The following NKTR variants were observed in gnomAD, a reference collection of about 807,000 sequenced individuals.
NKTR encodes the protein NK-tumor recognition protein.
NKTR carries 67 observed loss-of-function variants against 156.3 expected under a neutral mutation model. The ratio of observed to expected loss-of-function variants is 0.43; its 90% CI spans 0.35 to 0.53. The LOEUF (loss-of-function observed/expected upper bound fraction) is 0.53, where lower values mean the gene tolerates loss of function less well. Ranked by LOEUF, NKTR falls within the 20% of genes least tolerant of loss-of-function variation. The pLI, the probability that NKTR is intolerant of heterozygous loss-of-function variation, is 0.01. For missense variants in NKTR, 1,604 were observed against 1,730.9 expected, an observed-to-expected ratio of 0.93 and a Z score of 1.30; for synonymous variants, 640 against 596.6, an observed-to-expected ratio of 1.07 and a Z score of -1.06.
chr3:42,633,393 C>G, intron 9 of NKTR, 187 bp from the exon 10 acceptor site: 1 of 1,360,458 alleles, frequency 7.4e-7, no homozygotes, highest in Non-Finnish European at 9.4e-7. Context: ...ATTTTCCTAT[C>G]AAAATTCTAG....
intron 2 of NKTR, among the ~76,000 whole-genome samples, chr3:42,614,949 TAAC>T (rs764737447): frequency 6.6e-6 from 1 of 151,250 alleles, no homozygotes; most frequent in African/African-American, 2.5e-5. Flanking sequence ...CTCTTGCTCT[TAAC>T]AACATAATGC....
At chr3:42,607,871 T>C (rs1275359585) in intron 2 of NKTR, among the ~76,000 whole-genome samples, 1 of 151,288 alleles carries the variant, frequency 6.6e-6, no homozygotes, top group African/African-American at 2.4e-5. Flanking sequence ...CTGGACACTA[T>C]CTACCTGGAG....
At chr3:42,603,541 G>A (rs1214318016) in intron 2 of NKTR, among the ~76,000 whole-genome samples, 1 of 151,996 alleles carries the variant, frequency 6.6e-6, no homozygotes, top group Non-Finnish European at 1.5e-5. Context: ...AACATCCAAG[G>A]CAATTCATTG....
chr3:42,648,216 G>T lies in NKTR; in HGVS notation c.*2241G>T, dbSNP rs1037504985. 6.6e-6 allele frequency: 1 copy of T among 152,202 alleles called. No homozygotes were observed. The highest frequency in any genetic ancestry group is 2.4e-5 in the African/African-American group (1 of 41,450). The allele number at this position is 152,202 out of a possible 1,614,324, so 9.4% of individuals were successfully genotyped here. ...ATATTTTAAGGTTGATTGTGCGATA[G>T]AACATAATTGCAGGAGTACTGTCTC... On this transcript the variant is annotated 3_prime_UTR_variant, in exon 17 of 17. Transcript: ENST00000232978.
At chr3:42,633,348 A>G in intron 9 of NKTR, 1 of 1,283,640 alleles carries the variant, frequency 7.8e-7, no homozygotes, top group Non-Finnish European at 9.9e-7. Context: ...GGCCTCCTGG[A>G]ACTCTTAAAA....
Position 42,601,039 on chromosome 3 carries a change from C to A in NKTR, c.33C>A (p.Phe11Leu), listed in dbSNP as rs1407804031. 1.3e-6 allele frequency: 2 copies of A among 1,583,230 alleles called. No homozygotes were observed. The highest frequency in any genetic ancestry group is 1.7e-6 in the Non-Finnish European group (2 of 1,167,692). Residue 11 changes from phenylalanine to leucine, a missense_variant, in exon 2 of 17, where the codon TTC (phenylalanine) becomes TTA (leucine). By Grantham distance (22) the Phe-to-Leu change is conservative. Around this residue, in one of 6 missense-constraint regions of NKTR, gnomAD observed 73 missense variants for 90.7 expected, o/e 0.80. Transcript: ENST00000232978. ...CGCAGGACCGGCCGCAGTGCCACTTCGACATCGAGATCAACCGGGAGCCGG... is the reference window on the plus strand; with the variant it reads ...CGCAGGACCGGCCGCAGTGCCACTTAGACATCGAGATCAACCGGGAGCCGG... MGAQDRPQCH[F>L]DIEINREPVG...
intron 1 of NKTR, 59 bp from the exon 2 acceptor site, chr3:42,600,925 C>T: frequency 1.8e-6 from 2 of 1,119,290 alleles, no homozygotes; most frequent in East Asian, 3.2e-5. Context: ...CGCCCTCGCC[C>T]CTGCCCTCGC....
chr3:42,638,277 A>G lies in NKTR; in HGVS notation c.2573A>G (p.Lys858Arg). 1 of 1,606,806 alleles carries G rather than the reference A, an allele frequency of 6.2e-7. No homozygotes were observed. Among genetic ancestry groups the G allele is most frequent in the South Asian group, 1.1e-5 (1 of 89,456 alleles). Residue 858 changes from lysine to arginine, a missense_variant, in exon 13 of 17, where the codon AAA becomes AGA. Transcript: ENST00000232978. ...GAACGGGAATGCCCTCATTCAAAAA[A>G]AAGAACTTTGAAAGAGAATCTTTCT... Reference protein sequence around the residue: ...KSERECPHSKKRTLKENLSDH... With the variant: ...KSERECPHSKRRTLKENLSDH...
intron 6 of NKTR, 147 bp downstream of exon 6, chr3:42,621,663 G>A (rs1036773229): frequency 4.8e-6 from 4 of 830,806 alleles, no homozygotes; most frequent in African/African-American, 1.8e-5. Context: ...TAACTTATAA[G>A]GTCTAACAAC....
Position 42,618,997 on chromosome 3 carries a change from CTTTTTT to C in NKTR, c.134-10_134-5del. The C allele has an allele frequency of 9.2e-5, 124 of 1,353,838 alleles. No individual in the cohort carries two copies. Among genetic ancestry groups the C allele is most frequent in the Admixed American group, 1.3e-4 (5 of 39,164 alleles). 83.9% of individuals were successfully genotyped at this position (1,353,838 alleles called of 1,614,324 possible). The stretch of plus-strand genomic sequence containing the variant: ...ATGTATAAATAATTAAACTTCATTT[CTTTTTT>C]TTTTTTTTTTTTCCAGGAGAGAAAG... On this transcript the variant is annotated splice_polypyrimidine_tract_variant and intron_variant, in intron 3 of 16. Coordinates refer to ENST00000232978, the MANE Select transcript of NKTR (RefSeq NM_005385.4).
At chr3:42,635,763 C>T (rs527318275) in intron 12 of NKTR, among the ~76,000 whole-genome samples, 19 of 152,154 alleles carry the variant, frequency 1.2e-4, no homozygotes, top group African/African-American at 3.1e-4. Flanking sequence ...AAAAATTAGC[C>T]GGGCGTGGTG....
At chr3:42,642,674 T>G in intron 14 of NKTR, 78 bp downstream of exon 14, 26 of 983,222 alleles carry the variant, frequency 2.6e-5, no homozygotes, top group South Asian at 5.1e-5. Flanking sequence ...AGGGGGTAGT[T>G]GTTGAGAAGA....
At chr3:42,604,703 C>T (rs1706045690) in intron 2 of NKTR, among the ~76,000 whole-genome samples, 1 of 52,976 alleles carries the variant, frequency 1.9e-5, no homozygotes, top group Non-Finnish European at 3.8e-5. Flanking sequence ...TTTTTTGAGA[C>T]TGAGTCTTGC....
chr3:42,628,129 T>C (rs1177300238), intron 6 of NKTR: 1 of 983,126 alleles, frequency 1.0e-6, no homozygotes, highest in Non-Finnish European at 1.2e-6. Flanking sequence ...GTTAAATACT[T>C]TTAGTATTCT....
chr3:42,645,997 ATCTT>A lies in NKTR; in HGVS notation c.*23_*26del. The A allele has an allele frequency of 1.9e-6, 3 of 1,558,728 alleles. No individual in the cohort carries two copies. The highest frequency in any genetic ancestry group is 2.7e-6 in the Non-Finnish European group (3 of 1,131,220). Reference sequence around the variant, plus strand: ...TTGAAAACGTCCGGATACAAATTATATCTTATTTGTAAATATCTGGCAACTTAGC... The same window carrying A: ...TTGAAAACGTCCGGATACAAATTATAATTTGTAAATATCTGGCAACTTAGC... On this transcript the variant is annotated 3_prime_UTR_variant, in exon 17 of 17. Transcript: ENST00000232978.
rs962555955 is a variant in NKTR, at chr3:42,628,385, A to G, written c.375-2161A>G. ...AAACTTGAATGTCATAAAGATAGCT[A>G]TTCCATCCTCAAATTGAGTCTCAAG... On this transcript the variant is annotated intron_variant, in intron 6 of 16. Coordinates refer to ENST00000232978, the MANE Select transcript of NKTR (RefSeq NM_005385.4). 2.0e-5 allele frequency: 20 copies of G among 985,158 alleles called. No individual in the cohort carries two copies. The South Asian group carries it at 8.0e-4, about 39-fold the overall frequency. 61.0% of individuals were successfully genotyped at this position (985,158 alleles called of 1,614,324 possible). A position where few individuals can be genotyped will look rare whatever the true frequency, so the allele number is the denominator to read the frequency against.
chr3:42,601,120 A>G (rs1403552983), intron 2 of NKTR, 56 bp downstream of exon 2: 7 of 1,447,538 alleles, frequency 4.8e-6, no homozygotes, highest in East Asian at 5.5e-5. Context: ...GGCGAAGGGG[A>G]GGGGTCTACC....
intron 2 of NKTR, among the ~76,000 whole-genome samples, chr3:42,604,350 T>G (rs1384647869): frequency 6.6e-6 from 1 of 151,974 alleles, no homozygotes; most frequent in Non-Finnish European, 1.5e-5. Context: ...AGTTTCTTAA[T>G]GTTGAAGCAT....
At chr3:42,610,100 C>T (rs1251886872) in intron 2 of NKTR, among the ~76,000 whole-genome samples, 1 of 151,850 alleles carries the variant, frequency 6.6e-6, no homozygotes, top group Admixed American at 6.6e-5. Flanking sequence ...CTGCCTCCTG[C>T]GTTCAAGCGA....
Sources: allele counts gnomAD v4.1 joint callset (sites outside exome capture counted in the v4.1 genomes callset), GRCh38; gene constraint gnomAD v4.1.1; regional missense constraint gnomAD v4.1.1; transcripts MANE v1.5; gene names NCBI Gene and HGNC (gene_info 2026-07-23, HGNC 2026-07-21).